Variants in LNPK observed in about 807,000 individuals in gnomAD.
LNPK encodes the protein endoplasmic reticulum junction formation protein lunapark.
LNPK carries 29 observed loss-of-function variants against 55.2 expected under a neutral mutation model. The ratio of observed to expected loss-of-function variants is 0.53; its 90% confidence interval spans 0.39 to 0.72. The LOEUF (loss-of-function observed/expected upper bound fraction) is 0.72. Among genes scored for constraint, LNPK ranks in the 30% least tolerant of loss-of-function variants. The pLI is 0.00. For synonymous variants in LNPK, 162 were observed against 168.2 expected, an observed-to-expected ratio of 0.96 and a Z score of 0.29; for missense variants, 467 against 494.8, an observed-to-expected ratio of 0.94 and a Z score of 0.53.
In LNPK at chr2:175,926,970, T is replaced by A. The variant is rs1281699775; in HGVS notation, c.*2997A>T. ...ATAGCTCTAAAGTAAAGGAAACAGA[T>A]CAAAGCTGGAGATCTGAGATTCAGA... On this transcript the variant is annotated 3_prime_UTR_variant, in exon 13 of 13. Coordinates refer to ENST00000272748, the MANE Select transcript of LNPK (RefSeq NM_030650.3). The A allele has an allele frequency of 6.6e-6, 1 of 152,080 alleles. No homozygotes were observed. Among genetic ancestry groups the A allele is most frequent in the Non-Finnish European group, 1.5e-5 (1 of 68,038 alleles). 9.4% of individuals were successfully genotyped at this position (152,080 alleles called of 1,614,324 possible). A position where few individuals can be genotyped will look rare whatever the true frequency, so the allele number is the denominator to read the frequency against.
In LNPK at chr2:175,937,496, C is replaced by T. The variant is rs1684612471; in HGVS notation, c.902G>A (p.Cys301Tyr). The T allele has an allele frequency of 6.2e-7, 1 of 1,610,276 alleles. No homozygotes were observed. The change falls in exon 12 of 13, where the codon TGT (cysteine) becomes TAT (tyrosine). Residue 301 changes from cysteine to tyrosine, a missense_variant. Physicochemically the swap from Cys to Tyr is radical, Grantham distance 194 (BLOSUM62 -2). Coordinates refer to ENST00000272748, the MANE Select transcript of LNPK (RefSeq NM_030650.3). Reference sequence around the variant, plus strand: ...TTTTCTTGCAGGGTTCAAGAAAAAACAGTAGGCACATCGAAAAGCTGCAGA... The same window carrying T: ...TTTTCTTGCAGGGTTCAAGAAAAAATAGTAGGCACATCGAAAAGCTGCAGA... ...FEYIAFRCAY[C>Y]FFLNPARKTR...
At chr2:175,998,469 GA>G (rs1407570296) in intron 1 of LNPK, among the ~76,000 whole-genome samples, 149 of 144,200 alleles carry the variant, frequency 1.0e-3, no homozygotes, top group African/African-American at 3.3e-3. Context: ...AAGAAGAAAA[GA>G]AAAAAAAAGG....
chr2:175,930,896 C>G (rs1465296478), intron 12 of LNPK, among the ~76,000 whole-genome samples: 1 of 152,070 alleles, frequency 6.6e-6, no homozygotes, highest in Non-Finnish European at 1.5e-5. Context: ...ATCTCCATAG[C>G]AGAAGTTAAG....
In LNPK at chr2:175,992,327, T is replaced by C. The variant is rs1163807600; in HGVS notation, c.161A>G (p.Tyr54Cys). The part of the protein sequence containing the change: ...GRLILYSSVL[Y>C]LFTCLIVYLW... ...ATATACAATTAAGCATGTAAACAGA[T>C]AGAGAACTGAGGAATACAGAATTAA... The change falls in exon 4 of 13, where the codon TAT becomes TGT. Residue 54 changes from tyrosine (Y) to cysteine (C), a missense_variant. By Grantham distance (194) the Tyr-to-Cys change is radical. Coordinates refer to ENST00000272748, the MANE Select transcript of LNPK (RefSeq NM_030650.3). The C allele has an allele frequency of 7.7e-6, 12 of 1,563,518 alleles. No individual in the cohort carries two copies. The highest frequency in any genetic ancestry group is 1.7e-4 in the Middle Eastern group (1 of 5,892).
intron 8 of LNPK, among the ~76,000 whole-genome samples, chr2:175,952,118 T>TA (rs1685453452): frequency 1.3e-5 from 2 of 151,994 alleles, no homozygotes; most frequent in Non-Finnish European, 1.5e-5. Context: ...AAAACCCCAC[T>TA]AGGTTCCAAA....
In LNPK at chr2:175,973,224, C is replaced by G. The variant is rs189421680; in HGVS notation, c.317-2420G>C. On this transcript the variant is annotated intron_variant, in intron 5 of 12. Transcript: ENST00000272748. ...GCCAGTCAGTATTCAAACACAGTGA[C>G]TGAAGATGGTCCTTCTCATTTGAAG... 1.8e-3 allele frequency among the ~76,000 whole-genome samples: 278 copies of G among 152,314 alleles called. 3 individuals carry two copies. Among genetic ancestry groups the G allele is most frequent in the Middle Eastern group, 6.8e-3 (2 of 294 alleles).
chr2:175,944,126 A>G (rs1379178786), intron 9 of LNPK, among the ~76,000 whole-genome samples: 2 of 152,156 alleles, frequency 1.3e-5, no homozygotes, highest in African/African-American at 4.8e-5. Flanking sequence ...GTATTTCTAT[A>G]TACTAGCAAT....
intron 4 of LNPK, among the ~76,000 whole-genome samples, chr2:175,985,625 A>G (rs1489980029): frequency 6.6e-6 from 1 of 152,182 alleles, no homozygotes. Flanking sequence ...TATATGTTCC[A>G]TGACCCCCAG....
chr2:175,962,561 T>G (rs145502876), intron 8 of LNPK, among the ~76,000 whole-genome samples: 12,070 of 152,074 alleles, frequency 0.079, 974 homozygotes, highest in African/African-American at 0.21. Flanking sequence ...ATTCAAGATG[T>G]ATTAAAGACT....
At position 175,995,111 on chromosome 2, in the gene LNPK, G is replaced by A. The variant is rs192658438; in HGVS notation, c.27+447C>T. Among the ~76,000 whole-genome samples, 9 of 151,764 alleles carry A rather than the reference G, an allele frequency of 5.9e-5. No individual in the cohort carries two copies. The East Asian group carries it at 1.8e-3, about 30-fold the overall frequency. ...TAATTTTTGTATTTTTAGTAGAGACGGGGTTTCACCATGTTGGCCAGGCTG... is the reference window on the plus strand; with the variant it reads ...TAATTTTTGTATTTTTAGTAGAGACAGGGTTTCACCATGTTGGCCAGGCTG... On this transcript the variant is annotated intron_variant, in intron 2 of 12. Transcript: ENST00000272748.
At chr2:175,995,471 C>A in intron 2 of LNPK, 87 bp downstream of exon 2, 2 of 971,952 alleles carry the variant, frequency 2.1e-6, no homozygotes, top group Non-Finnish European at 3.1e-6. Context: ...CTATTCAAGG[C>A]TATAATCAAA....
intron 8 of LNPK, among the ~76,000 whole-genome samples, chr2:175,963,982 A>C (rs1330221632): frequency 1.3e-5 from 2 of 152,092 alleles, no homozygotes; most frequent in Non-Finnish European, 2.9e-5. Flanking sequence ...TTTAGAAAAA[A>C]CAAAATTTCA....
intron 1 of LNPK, among the ~76,000 whole-genome samples, chr2:175,998,467 A>G (rs1314073813): frequency 6.6e-6 from 1 of 151,792 alleles, no homozygotes; most frequent in Non-Finnish European, 1.5e-5. Flanking sequence ...AAAAGAAGAA[A>G]AGAAAAAAAA....
rs1308900941 is a variant in LNPK, at chr2:175,928,309, CACATT to C, written c.*1653_*1657del. Reference sequence around the variant, plus strand: ...CATCGTTTTCAGGTAGTGTGCTAGGCACATTACATTATTTTTAATTATCCTAATAC... The same window carrying C: ...CATCGTTTTCAGGTAGTGTGCTAGGCACATTATTTTTAATTATCCTAATAC... On this transcript the variant is annotated 3_prime_UTR_variant, in exon 13 of 13. Transcript: ENST00000272748. 6.6e-5 allele frequency: 10 copies of C among 152,068 alleles called. No individual in the cohort carries two copies. In the East Asian group the frequency reaches 1.9e-3, roughly 29 times the overall value. The allele number at this position is 152,068 out of a possible 1,614,324, so 9.4% of individuals were successfully genotyped here.
chr2:175,951,584 CATATATATATAT>C (rs56037027), intron 8 of LNPK, among the ~76,000 whole-genome samples: 13,082 of 90,720 alleles, frequency 0.14, 1,817 homozygotes, highest in South Asian at 0.27. Flanking sequence ...TTCCATCATT[CATATATATATAT>C]ATATATATAT....
intron 5 of LNPK, among the ~76,000 whole-genome samples, chr2:175,975,634 T>G (rs984913124): frequency 1.3e-5 from 2 of 152,182 alleles, no homozygotes; most frequent in Non-Finnish European, 2.9e-5. Context: ...AATGTACAGT[T>G]ATTATTGACT....
chr2:175,979,196 C>G (rs1359146274), intron 5 of LNPK, among the ~76,000 whole-genome samples: 1 of 151,838 alleles, frequency 6.6e-6, no homozygotes, highest in African/African-American at 2.4e-5. Flanking sequence ...AAAAATGAAA[C>G]AAGACTCTGT....
chr2:175,945,802 C>T (rs983575473), intron 9 of LNPK, among the ~76,000 whole-genome samples: 1 of 152,128 alleles, frequency 6.6e-6, no homozygotes, highest in African/African-American at 2.4e-5. Context: ...TGCACATGCA[C>T]CTTTATATGC....
chr2:175,931,284 T>C (rs1684270713), intron 12 of LNPK, among the ~76,000 whole-genome samples: 1 of 152,196 alleles, frequency 6.6e-6, no homozygotes, highest in Non-Finnish European at 1.5e-5. Flanking sequence ...AGGCCAGCCT[T>C]AGTAAAAAGT....
Sources: allele counts gnomAD v4.1 joint callset (sites outside exome capture counted in the v4.1 genomes callset), GRCh38; gene constraint gnomAD v4.1.1; transcripts MANE v1.5; gene names NCBI Gene and HGNC (gene_info 2026-07-23, HGNC 2026-07-21).